Variants in FARP1 observed in about 807,000 individuals in gnomAD.
FARP1 encodes the protein FERM, ARH/RhoGEF and pleckstrin domain protein 1, also known as FERM, ARHGEF and pleckstrin domain-containing protein 1.
Under a neutral mutation model 128.8 loss-of-function variants are expected in FARP1, and 52 were observed. The observed-to-expected ratio is 0.40, with a 90% confidence interval of 0.32 to 0.51. The LOEUF (loss-of-function observed/expected upper bound fraction) is 0.51. Among genes scored for constraint, FARP1 ranks in the 20% least tolerant of loss-of-function variants. The probability of loss-of-function intolerance (pLI) is 0.45; values close to 1 mark genes in which losing one functional copy is unlikely to be tolerated. For synonymous variants in FARP1, 580 were observed against 551.8 expected, an observed-to-expected ratio of 1.05 and a Z score of -0.72; for missense variants, 1,333 against 1,367.9, an observed-to-expected ratio of 0.97 and a Z score of 0.40.
chr13:98,197,826 C>T (rs1250933007), intron 1 of FARP1, among the ~76,000 whole-genome samples: 4 of 151,686 alleles, frequency 2.6e-5, no homozygotes, highest in East Asian at 2.0e-4. Context: ...TTAGTAGAGA[C>T]GGGGTTTCAC....
chr13:98,179,098 T>C (rs1478377995), intron 1 of FARP1, among the ~76,000 whole-genome samples: 2 of 152,180 alleles, frequency 1.3e-5, no homozygotes, highest in Non-Finnish European at 2.9e-5. Flanking sequence ...AAGACACACC[T>C]GAGACTGGGT....
At chr13:98,366,441 G>A (rs556286480) in intron 4 of FARP1, among the ~76,000 whole-genome samples, 1 of 152,304 alleles carries the variant, frequency 6.6e-6, no homozygotes, top group African/African-American at 2.4e-5. Flanking sequence ...CTAGTGTTGG[G>A]GGCGAAGAGA....
At chr13:98,186,340 T>G (rs1218729070) in intron 1 of FARP1, among the ~76,000 whole-genome samples, 1 of 152,040 alleles carries the variant, frequency 6.6e-6, no homozygotes, top group Non-Finnish European at 1.5e-5. Flanking sequence ...ACTCCCAACT[T>G]CAGGTGATCC....
At chr13:98,264,854 T>C (rs1884029930) in intron 2 of FARP1, among the ~76,000 whole-genome samples, 1 of 152,242 alleles carries the variant, frequency 6.6e-6, no homozygotes, top group Non-Finnish European at 1.5e-5. Context: ...GTAATCATTA[T>C]TATTCTGTAG....
At position 98,454,547 on chromosome 13, in the gene FARP1, T is replaced by C. The variant is rs1893360443; in HGVS notation, c.*6230T>C. ...AGCCTAAGACTCAACTATCAAGAAA[T>C]ACAAATGACTAAATCACGGGATGAG... On this transcript the variant is annotated 3_prime_UTR_variant, in exon 27 of 27. Transcript: ENST00000319562. The C allele has an allele frequency of 6.6e-6, 1 of 152,080 alleles. No individual in the cohort carries two copies. The highest frequency in any genetic ancestry group is 6.6e-5 in the Admixed American group (1 of 15,262). 9.4% of individuals were successfully genotyped at this position (152,080 alleles called of 1,614,324 possible).
intron 17 of FARP1, among the ~76,000 whole-genome samples, chr13:98,426,338 A>G (rs1268484054): frequency 1.3e-5 from 2 of 152,182 alleles, no homozygotes; most frequent in African/African-American, 4.8e-5. Context: ...AAATAAAAAA[A>G]CATTAGCTAA....
chr13:98,411,879 T>C, intron 15 of FARP1, 22 bp from the exon 16 acceptor site: 1 of 1,611,392 alleles, frequency 6.2e-7, no homozygotes, highest in South Asian at 1.1e-5. Flanking sequence ...CACCCGTAAG[T>C]GCATCGTCTT....
chr13:98,385,094 A>G (rs777586524), intron 7 of FARP1, among the ~76,000 whole-genome samples: 11 of 152,228 alleles, frequency 7.2e-5, no homozygotes, highest in Non-Finnish European at 1.2e-4. Context: ...GTAAGAGCAA[A>G]GGACCATCCA....
At chr13:98,243,784 T>G (rs1169308218) in intron 2 of FARP1, among the ~76,000 whole-genome samples, 1 of 152,050 alleles carries the variant, frequency 6.6e-6, no homozygotes, top group Non-Finnish European at 1.5e-5. Flanking sequence ...GGTTAAAGAT[T>G]GTAGTATTGA....
chr13:98,414,790 A>G (rs1308037242), intron 16 of FARP1, among the ~76,000 whole-genome samples: 2 of 152,036 alleles, frequency 1.3e-5, no homozygotes, highest in African/African-American at 2.4e-5. Flanking sequence ...ACTACACCAC[A>G]CTCGGCTTTC....
At chr13:98,251,578 G>A (rs558459876) in intron 2 of FARP1, among the ~76,000 whole-genome samples, 1 of 151,968 alleles carries the variant, frequency 6.6e-6, no homozygotes, top group South Asian at 2.1e-4. Flanking sequence ...AGCTACTTGG[G>A]AGGCTGAGGC....
At chr13:98,207,936 ACACACACACAC>A (rs1372528709) in intron 1 of FARP1, among the ~76,000 whole-genome samples, 2 of 146,894 alleles carry the variant, frequency 1.4e-5, no homozygotes, top group African/African-American at 2.5e-5. Flanking sequence ...ACACACACAC[ACACACACACAC>A]ACACACACAC....
At chr13:98,189,030 G>GTCTTT (rs1879064457) in intron 1 of FARP1, among the ~76,000 whole-genome samples, 1 of 152,172 alleles carries the variant, frequency 6.6e-6, no homozygotes. Context: ...GGGCAGGAGT[G>GTCTTT]TCTTTCTCCT....
At chr13:98,446,941 C>G in intron 26 of FARP1, 124 bp downstream of exon 26, 1 of 1,057,402 alleles carries the variant, frequency 9.5e-7, no homozygotes, top group African/African-American at 1.6e-5. Context: ...AGCGTTTAGA[C>G]CTGGGGTCCC....
intron 2 of FARP1, among the ~76,000 whole-genome samples, chr13:98,278,991 A>ATTT (rs1159451553): frequency 7.6e-6 from 1 of 132,080 alleles, no homozygotes; most frequent in Non-Finnish European, 1.6e-5. Context: ...ACGCCCTGCT[A>ATTT]ATTTTTTTTT....
intron 2 of FARP1, among the ~76,000 whole-genome samples, chr13:98,310,678 G>C (rs1886419581): frequency 6.6e-6 from 1 of 151,972 alleles, no homozygotes; most frequent in Admixed American, 6.6e-5. Context: ...TGTGTGACTG[G>C]TGGTGGTGGG....
chr13:98,276,849 G>A (rs1321414804), intron 2 of FARP1, among the ~76,000 whole-genome samples: 10 of 152,264 alleles, frequency 6.6e-5, no homozygotes, highest in African/African-American at 2.2e-4. Flanking sequence ...CCCACACTGG[G>A]TGTGTGACCC....
At chr13:98,210,337 C>T (rs1043587965) in intron 1 of FARP1, among the ~76,000 whole-genome samples, 15 of 152,050 alleles carry the variant, frequency 9.9e-5, no homozygotes, top group African/African-American at 3.6e-4. Context: ...TATACATTCA[C>T]CTCCTTTCAT....
intron 1 of FARP1, among the ~76,000 whole-genome samples, chr13:98,187,038 A>G (rs1878927318): frequency 6.6e-6 from 1 of 150,480 alleles, no homozygotes; most frequent in South Asian, 2.1e-4. Context: ...GTGCACATAC[A>G]GATATATGTG....
Sources: allele counts gnomAD v4.1 joint callset (sites outside exome capture counted in the v4.1 genomes callset), GRCh38; gene constraint gnomAD v4.1.1; transcripts MANE v1.5; gene names NCBI Gene and HGNC (gene_info 2026-07-23, HGNC 2026-07-21).